DRC11: variants seen among roughly 807,000 people sequenced by gnomAD.
DRC11 encodes dynein regulatory complex subunit 11.
At chr2:236,496,351 C>T in the DRC11 span, among the ~76,000 whole-genome samples, 232 of 152,238 alleles carry the variant, frequency 1.5e-3, 6 homozygotes, top group East Asian at 0.042. The surrounding 1 kb of genome is among the most constrained non-coding windows in gnomAD (Gnocchi z 6.3). Context: ...GGAGAAGAAA[C>T]GTGAAACCCT....
the DRC11 span, among the ~76,000 whole-genome samples, chr2:236,449,483 A>G: frequency 2.0e-5 from 3 of 152,092 alleles, no homozygotes; most frequent in Non-Finnish European, 4.4e-5. The surrounding 1 kb of genome is among the most constrained non-coding windows in gnomAD (Gnocchi z 5.1). Context: ...TCCTTATCGT[A>G]CCTGGAAGGT....
At chr2:236,393,529 G>C in the DRC11 span, among the ~76,000 whole-genome samples, 2 of 152,190 alleles carry the variant, frequency 1.3e-5, no homozygotes, top group African/African-American at 4.8e-5. The surrounding 1 kb of genome is among the most constrained non-coding windows in gnomAD (Gnocchi z 4.7). Context: ...GAGACCCAGA[G>C]CCATCAAACG....
chr2:236,357,992 A>G, the DRC11 span, among the ~76,000 whole-genome samples: 1 of 115,752 alleles, frequency 8.6e-6, no homozygotes, highest in Admixed American at 1.0e-4. Flanking sequence ...ATATAAATAT[A>G]TATGAATATA....
the DRC11 span, among the ~76,000 whole-genome samples, chr2:236,459,601 A>ATG: frequency 5.8e-5 from 7 of 121,486 alleles, no homozygotes; most frequent in Admixed American, 1.6e-4. Flanking sequence ...ATACGTATAC[A>ATG]TATATACGTA....
the DRC11 span, among the ~76,000 whole-genome samples, chr2:236,310,193 G>T: frequency 7.7e-6 from 1 of 130,346 alleles, no homozygotes; most frequent in Non-Finnish European, 1.7e-5. The surrounding 1 kb of genome is among the most constrained non-coding windows in gnomAD (Gnocchi z 5.5). Flanking sequence ...GGTTGACCTG[G>T]GAAAGATCTA....
the DRC11 span, among the ~76,000 whole-genome samples, chr2:236,470,667 A>G: frequency 6.6e-6 from 1 of 152,298 alleles, no homozygotes; most frequent in Admixed American, 6.5e-5. The surrounding 1 kb of genome is among the most constrained non-coding windows in gnomAD (Gnocchi z 5.1). Flanking sequence ...ATATTTATGT[A>G]TCTGTGTTTA....
the DRC11 span, among the ~76,000 whole-genome samples, chr2:236,463,628 C>G: frequency 6.6e-6 from 1 of 152,146 alleles, no homozygotes; most frequent in Non-Finnish European, 1.5e-5. The surrounding 1 kb of genome is among the most constrained non-coding windows in gnomAD (Gnocchi z 5.0). Context: ...TATTAGGATC[C>G]CACATAAAGT....
chr2:236,480,440 TCTGA>T, the DRC11 span, among the ~76,000 whole-genome samples: 1 of 152,200 alleles, frequency 6.6e-6, no homozygotes, highest in African/African-American at 2.4e-5. Context: ...TTTTTTTCCC[TCTGA>T]CTGTGTATTT....
At chr2:236,431,916 GAT>G in the DRC11 span, among the ~76,000 whole-genome samples, 1 of 152,154 alleles carries the variant, frequency 6.6e-6, no homozygotes, top group African/African-American at 2.4e-5. The surrounding 1 kb of genome is among the most constrained non-coding windows in gnomAD (Gnocchi z 4.2). Flanking sequence ...TTTTTGTGTG[GAT>G]ATATGTTTTC....
At chr2:236,455,941 C>T in the DRC11 span, among the ~76,000 whole-genome samples, 42 of 152,106 alleles carry the variant, frequency 2.8e-4, no homozygotes, top group Non-Finnish European at 5.6e-4. This position sits in a 1 kb window ranked among gnomAD's most constrained non-coding sequence, Gnocchi z 5.7. Context: ...TGCATGCCCA[C>T]CCCCACCACT....
chr2:236,498,826 A>G, the DRC11 span, among the ~76,000 whole-genome samples: 1 of 152,162 alleles, frequency 6.6e-6, no homozygotes, highest in Non-Finnish European at 1.5e-5. Context: ...CCTTCATGGT[A>G]GAGATTCCCA....
the DRC11 span, among the ~76,000 whole-genome samples, chr2:236,365,684 C>G: frequency 6.6e-6 from 1 of 151,914 alleles, no homozygotes; most frequent in Non-Finnish European, 1.5e-5. The surrounding 1 kb of genome is among the most constrained non-coding windows in gnomAD (Gnocchi z 7.4). Flanking sequence ...CAGGCAGTGG[C>G]CTTCCAGAGA....
chr2:236,381,497 G>A, the DRC11 span, among the ~76,000 whole-genome samples: 2 of 151,850 alleles, frequency 1.3e-5, no homozygotes, highest in African/African-American at 4.8e-5. This position sits in a 1 kb window ranked among gnomAD's most constrained non-coding sequence, Gnocchi z 5.8. Flanking sequence ...AGAACTATGA[G>A]CTATTAATTT....
the DRC11 span, among the ~76,000 whole-genome samples, chr2:236,357,181 ATATT>A: frequency 8.7e-6 from 1 of 115,346 alleles, no homozygotes; most frequent in Non-Finnish European, 1.7e-5. Context: ...TATATTATAT[ATATT>A]CATATATATT....
chr2:236,339,763 C>T, the DRC11 span, among the ~76,000 whole-genome samples: 479 of 152,298 alleles, frequency 3.1e-3, no homozygotes, highest in African/African-American at 0.011. Flanking sequence ...TGATCTATGT[C>T]TCTTCTTAGG....
the DRC11 span, among the ~76,000 whole-genome samples, chr2:236,417,037 G>A: frequency 6.6e-6 from 1 of 150,610 alleles, no homozygotes; most frequent in Non-Finnish European, 1.5e-5. Context: ...TGGGATTGCA[G>A]GTATGTATTT....
chr2:236,376,087 A>G, the DRC11 span, among the ~76,000 whole-genome samples: 1 of 152,216 alleles, frequency 6.6e-6, no homozygotes, highest in Admixed American at 6.5e-5. The surrounding 1 kb of genome is among the most constrained non-coding windows in gnomAD (Gnocchi z 5.7). Flanking sequence ...TAACCTCACC[A>G]CTGATGGGAC....
the DRC11 span, chr2:236,465,387 A>G: frequency 1.2e-5 from 10 of 858,368 alleles, no homozygotes; most frequent in Non-Finnish European, 1.8e-5. The surrounding 1 kb of genome is among the most constrained non-coding windows in gnomAD (Gnocchi z 6.2). Flanking sequence ...TCACGTTTCT[A>G]AAACGAAGCC....
the DRC11 span, chr2:236,363,881 T>C: frequency 1.2e-6 from 2 of 1,614,000 alleles, no homozygotes; most frequent in African/African-American, 2.7e-5. This position sits in a 1 kb window ranked among gnomAD's most constrained non-coding sequence, Gnocchi z 5.6. Flanking sequence ...CCCGTTTCGG[T>C]GCAGATGGCA....
Sources: allele counts gnomAD v4.1 joint callset (sites outside exome capture counted in the v4.1 genomes callset), GRCh38; gene constraint gnomAD v4.1.1; non-coding constraint Gnocchi (gnomAD v3.1); transcripts MANE v1.5; gene names NCBI Gene and HGNC (gene_info 2026-07-23, HGNC 2026-07-21).